The following TMEM232 variants were observed in gnomAD, a reference collection of about 807,000 sequenced individuals.
The protein encoded by TMEM232 is transmembrane protein 232.
TMEM232 carries 80 observed loss-of-function variants against 78.8 expected under a neutral mutation model. The ratio of observed to expected loss-of-function variants is 1.01; its 90% CI spans 0.85 to 1.22. TMEM232 has a LOEUF of 1.22. Ranked by LOEUF, TMEM232 falls within the 50% of genes most tolerant of loss-of-function variation. The pLI is 0.00. For synonymous variants in TMEM232, 297 were observed against 254.3 expected (o/e 1.17, Z -1.60); for missense variants, 881 against 742.2 (o/e 1.19, Z -2.17).
intron 11 of TMEM232, among the ~76,000 whole-genome samples, chr5:110,544,228 C>A (rs927524698): frequency 1.3e-5 from 2 of 151,922 alleles, no homozygotes; most frequent in African/African-American, 4.8e-5. Flanking sequence ...TTAAAAATAT[C>A]TATGTTAACT....
intron 4 of TMEM232, among the ~76,000 whole-genome samples, chr5:110,388,300 C>G (rs1282241763): frequency 6.6e-6 from 1 of 152,108 alleles, no homozygotes; most frequent in Non-Finnish European, 1.5e-5. Context: ...ACCATCTTGT[C>G]TGTGCCTTAC....
intron 12 of TMEM232, among the ~76,000 whole-genome samples, chr5:110,488,508 A>G (rs2149411775): frequency 6.6e-6 from 1 of 152,280 alleles, no homozygotes; most frequent in South Asian, 2.1e-4. Flanking sequence ...AACAATGAAA[A>G]TTGGAAAATA....
At chr5:110,683,372 A>T (rs1438452175) in intron 1 of TMEM232, among the ~76,000 whole-genome samples, 1 of 151,976 alleles carries the variant, frequency 6.6e-6, no homozygotes, top group Non-Finnish European at 1.5e-5. Context: ...ATTATAAATT[A>T]CAAAGAGATA....
At chr5:110,532,944 A>G (rs1771768518) in intron 11 of TMEM232, among the ~76,000 whole-genome samples, 1 of 152,140 alleles carries the variant, frequency 6.6e-6, no homozygotes, top group Non-Finnish European at 1.5e-5. Flanking sequence ...TACCTGTCCT[A>G]AAACCAGACA....
At chr5:110,550,209 A>C (rs1168163487) in intron 11 of TMEM232, among the ~76,000 whole-genome samples, 2 of 152,206 alleles carry the variant, frequency 1.3e-5, no homozygotes, top group Non-Finnish European at 2.9e-5. Flanking sequence ...TGTCAATCAT[A>C]CCAAATGATG....
At chr5:110,509,000 A>G (rs200382121) in intron 12 of TMEM232, among the ~76,000 whole-genome samples, 11 of 104,562 alleles carry the variant, frequency 1.1e-4, no homozygotes, top group South Asian at 2.5e-4. Context: ...GTATATATGT[A>G]TATATATATG....
rs1277641654 is a variant in TMEM232, at chr5:110,721,667, G to GTATATATATA, written c.-13+4959_-13+4960insTATATATATA. Among the ~76,000 whole-genome samples the GTATATATATA allele has an allele frequency of 2.5e-3, 26 of 10,420 alleles. 2 individuals carry two copies. The highest frequency in any genetic ancestry group is 3.8e-3 in the African/African-American group (23 of 6,096). The allele number at this position is 10,420 out of a possible 152,430, so 6.8% of individuals were successfully genotyped here. On this transcript the variant is annotated intron_variant, in intron 1 of 13. Transcript: ENST00000455884. Reference sequence around the variant, plus strand: ...GAGTCTGCATATCATGTGTGTGTGTGTGTGTGTATATATATATCTGTGTGT... The same window carrying GTATATATATA: ...GAGTCTGCATATCATGTGTGTGTGTGTATATATATATGTGTGTATATATATATCTGTGTGT...
intron 12 of TMEM232, among the ~76,000 whole-genome samples, chr5:110,440,899 G>T (rs984137604): frequency 2.0e-5 from 3 of 152,050 alleles, no homozygotes; most frequent in African/African-American, 7.2e-5. Flanking sequence ...TTTGCTTCTT[G>T]CTCACATGTC....
chr5:110,621,908 A>C (rs964281798), intron 7 of TMEM232, among the ~76,000 whole-genome samples: 1 of 152,188 alleles, frequency 6.6e-6, no homozygotes, highest in Admixed American at 6.6e-5. Flanking sequence ...TCAGATAACA[A>C]CACCAGTTTA....
intron 1 of TMEM232, among the ~76,000 whole-genome samples, chr5:110,681,137 G>A (rs1792699331): frequency 6.6e-6 from 1 of 152,148 alleles, no homozygotes; most frequent in Admixed American, 6.6e-5. Context: ...GCCAGGGGAG[G>A]TAGTTCTTCA....
intron 10 of TMEM232, among the ~76,000 whole-genome samples, chr5:110,587,677 ATATATATATATATATGTGTGTGTG>A (rs1343190194): frequency 4.1e-5 from 4 of 96,602 alleles, no homozygotes; most frequent in African/African-American, 2.0e-4. Context: ...ATATATATAT[ATATATATATATATATGTGTGTGTG>A]TGTGTGTGTG....
chr5:110,509,042 A>G (rs769824930), intron 12 of TMEM232, among the ~76,000 whole-genome samples: 3 of 143,330 alleles, frequency 2.1e-5, no homozygotes, highest in African/African-American at 5.3e-5. Context: ...ACACACACAT[A>G]TATGTGTATA....
chr5:110,677,282 A>T (rs114812684), intron 1 of TMEM232, among the ~76,000 whole-genome samples: 1,776 of 151,900 alleles, frequency 0.012, 44 homozygotes, highest in African/African-American at 0.04. Flanking sequence ...CTTAAATATA[A>T]TGGATATTAA....
intron 10 of TMEM232, among the ~76,000 whole-genome samples, chr5:110,593,745 T>G (rs1779816612): frequency 6.6e-6 from 1 of 152,160 alleles, no homozygotes; most frequent in Non-Finnish European, 1.5e-5. Flanking sequence ...GAATAAGTTC[T>G]GGTATTTGAT....
At chr5:110,480,343 A>G (rs1763725255) in intron 12 of TMEM232, among the ~76,000 whole-genome samples, 1 of 151,992 alleles carries the variant, frequency 6.6e-6, no homozygotes, top group Admixed American at 6.6e-5. Flanking sequence ...TTTATATGCA[A>G]ATGTCAGTCT....
At chr5:110,503,029 G>A (rs1766444353) in intron 12 of TMEM232, among the ~76,000 whole-genome samples, 1 of 152,048 alleles carries the variant, frequency 6.6e-6, no homozygotes, top group South Asian at 2.1e-4. Context: ...GTAAAGTTGG[G>A]GAGCATATTT....
At chr5:110,635,466 C>T (rs751204603) in intron 5 of TMEM232, among the ~76,000 whole-genome samples, 2 of 151,986 alleles carry the variant, frequency 1.3e-5, no homozygotes, top group Non-Finnish European at 2.9e-5. Flanking sequence ...TCCAACAGCA[C>T]ATCAAAAAGA....
chr5:110,656,791 C>T (rs10478019), intron 2 of TMEM232, among the ~76,000 whole-genome samples: 40,958 of 150,870 alleles, frequency 0.27, 6,694 homozygotes, highest in African/African-American at 0.47. Context: ...TGAGCCGACA[C>T]TGCACCACTG....
intron 3 of TMEM232, among the ~76,000 whole-genome samples, chr5:110,391,326 T>TGAGAGAGA (rs71626630): frequency 1.9e-3 from 267 of 139,918 alleles, no homozygotes; most frequent in African/African-American, 6.9e-3. Context: ...TGTGTGTGTG[T>TGAGAGAGA]GAGAGAGAGA....
Sources: gnomAD v4.1 joint callset for allele counts (sites outside exome capture counted in the v4.1 genomes callset) on GRCh38, gnomAD v4.1.1 for gene constraint, MANE v1.5 for transcripts, NCBI Gene and HGNC (gene_info 2026-07-23, HGNC 2026-07-21) for gene names.